The following PUM1 variants were observed in gnomAD, a reference collection of about 807,000 sequenced individuals.
The protein encoded by PUM1 is pumilio RNA binding family member 1.
In PUM1, 13 loss-of-function variants were observed where a neutral mutation model predicts 131.8. That is an observed-to-expected ratio of 0.10 (90% CI 0.06 to 0.16). The LOEUF is 0.16. PUM1 is among the 10% of genes least tolerant of loss of function. The pLI, the probability that PUM1 is intolerant of heterozygous loss-of-function variation, is 1.00. For missense variants in PUM1, 961 were observed against 1,512.4 expected, an observed-to-expected ratio of 0.64 and a Z score of 6.05; for synonymous variants, 509 against 556.5, an observed-to-expected ratio of 0.91 and a Z score of 1.20.
intron 2 of PUM1, among the ~76,000 whole-genome samples, chr1:31,052,756 T>C (rs1407466402): frequency 2.0e-5 from 3 of 151,576 alleles, no homozygotes; most frequent in Non-Finnish European, 4.4e-5. Flanking sequence ...TGGAGTGCAG[T>C]TGTGCGATCT....
chr1:30,939,990 G>C (rs1276608531), intron 20 of PUM1, among the ~76,000 whole-genome samples: 3 of 152,128 alleles, frequency 2.0e-5, no homozygotes, highest in African/African-American at 7.2e-5. Context: ...CCGAAGAAGA[G>C]AACCCAAGAG....
chr1:31,065,519 C>A, intron 1 of PUM1, 97 bp downstream of exon 1: 1 of 1,370,502 alleles, frequency 7.3e-7, no homozygotes, highest in South Asian at 1.4e-5. Flanking sequence ...AAGCCCTTCT[C>A]ACCCCCACAA....
chr1:30,972,024 G>A (rs1005299916), intron 10 of PUM1, among the ~76,000 whole-genome samples: 1 of 151,744 alleles, frequency 6.6e-6, no homozygotes, highest in Non-Finnish European at 1.5e-5. Flanking sequence ...GGAGGCCAAG[G>A]TGGGTGGAAC....
intron 2 of PUM1, among the ~76,000 whole-genome samples, chr1:31,044,671 A>C (rs1643910842): frequency 6.6e-6 from 1 of 152,140 alleles, no homozygotes; most frequent in African/African-American, 2.4e-5. Context: ...AAAACTAAAA[A>C]CTACTGAACT....
intron 14 of PUM1, among the ~76,000 whole-genome samples, chr1:30,956,824 T>C (rs1640184191): frequency 6.6e-6 from 1 of 152,162 alleles, no homozygotes; most frequent in African/African-American, 2.4e-5. Flanking sequence ...CAATGTTTAA[T>C]GACAAGACAA....
At chr1:30,969,185 T>C (rs558119876) in intron 10 of PUM1, among the ~76,000 whole-genome samples, 1 of 151,808 alleles carries the variant, frequency 6.6e-6, no homozygotes, top group South Asian at 2.1e-4. Flanking sequence ...GTGCCTATAA[T>C]CCCAGCTACG....
chr1:31,031,379 G>GA (rs1173141846), intron 2 of PUM1, among the ~76,000 whole-genome samples: 2 of 152,028 alleles, frequency 1.3e-5, no homozygotes, highest in South Asian at 4.1e-4. Context: ...GGAGGAGTAA[G>GA]AAAAAAAGTA....
intron 3 of PUM1, among the ~76,000 whole-genome samples, chr1:31,010,894 C>T (rs1056612162): frequency 1.3e-5 from 2 of 152,128 alleles, no homozygotes; most frequent in African/African-American, 2.4e-5. Flanking sequence ...TTAGGCAGGG[C>T]GTGGTGGCTT....
At chr1:30,999,606 C>CAAAAAAA (rs56936440) in intron 5 of PUM1, among the ~76,000 whole-genome samples, 8 of 53,980 alleles carry the variant, frequency 1.5e-4, no homozygotes, top group African/African-American at 4.8e-4. Context: ...GACTCTGTCT[C>CAAAAAAA]AAAAAAAAAA....
Position 30,992,384 on chromosome 1 carries a change from C to T in PUM1, c.1158+6G>A. 1.2e-6 allele frequency: 2 copies of T among 1,612,652 alleles called. No individual in the cohort carries two copies. Among genetic ancestry groups the T allele is most frequent in the East Asian group, 2.2e-5 (1 of 44,872 alleles). On this transcript the variant is annotated splice_donor_region_variant and intron_variant, in intron 7 of 21. Coordinates refer to ENST00000426105, the MANE Select transcript of PUM1 (RefSeq NM_001020658.2). ...GTAGAGAGGGTGACAGAGACACACACAGTACCTGTTGTTGAGAATTGTAGT... is the reference window on the plus strand; with the variant it reads ...GTAGAGAGGGTGACAGAGACACACATAGTACCTGTTGTTGAGAATTGTAGT...
intron 3 of PUM1, among the ~76,000 whole-genome samples, chr1:31,017,131 C>T (rs1039194594): frequency 6.6e-6 from 1 of 152,180 alleles, no homozygotes; most frequent in African/African-American, 2.4e-5. Flanking sequence ...ACTACTTGCA[C>T]ACACCCTAAA....
intron 17 of PUM1, among the ~76,000 whole-genome samples, chr1:30,946,970 C>G (rs775566120): frequency 1.3e-5 from 2 of 152,128 alleles, no homozygotes; most frequent in Non-Finnish European, 2.9e-5. Flanking sequence ...ATTATGATAA[C>G]TCTGTAAAGT....
intron 19 of PUM1, among the ~76,000 whole-genome samples, chr1:30,941,485 A>G (rs1247373010): frequency 6.6e-6 from 1 of 152,210 alleles, no homozygotes. Flanking sequence ...TAGAATATAC[A>G]TATTCATTTT....
chr1:30,966,372 T>A, intron 12 of PUM1, 94 bp from the exon 13 acceptor site: 1 of 1,246,682 alleles, frequency 8.0e-7, no homozygotes, highest in South Asian at 1.5e-5. Context: ...CTTTTAATGC[T>A]GCCTATCTTT....
intron 10 of PUM1, among the ~76,000 whole-genome samples, chr1:30,971,308 A>C (rs1313192120): frequency 6.6e-6 from 1 of 152,232 alleles, no homozygotes; most frequent in Non-Finnish European, 1.5e-5. Context: ...TTACCAAAAA[A>C]ATCATATTTT....
At chr1:31,046,455 T>A (rs960470364) in intron 2 of PUM1, among the ~76,000 whole-genome samples, 1 of 150,718 alleles carries the variant, frequency 6.6e-6, no homozygotes, top group African/African-American at 2.4e-5. Flanking sequence ...CGCATTCCTC[T>A]GGAGAAGTCT....
chr1:30,988,952 G>A (rs1217977736), intron 7 of PUM1, among the ~76,000 whole-genome samples: 1 of 152,096 alleles, frequency 6.6e-6, no homozygotes, highest in Non-Finnish European at 1.5e-5. Context: ...TTCCTAGAAG[G>A]ACACAACAGT....
At chr1:30,964,587 G>T (rs1640548314) in intron 14 of PUM1, 87 bp downstream of exon 14, 4 of 1,178,110 alleles carry the variant, frequency 3.4e-6, no homozygotes, top group Middle Eastern at 2.0e-4. Context: ...TAAAGGGACT[G>T]TCCTTTGCTT....
At chr1:31,012,740 T>G (rs1309902004) in intron 3 of PUM1, among the ~76,000 whole-genome samples, 1 of 152,038 alleles carries the variant, frequency 6.6e-6, no homozygotes, top group Non-Finnish European at 1.5e-5. Context: ...CACTTAACAC[T>G]TAACAATCAA....
Sources: gnomAD v4.1 joint callset for allele counts (sites outside exome capture counted in the v4.1 genomes callset) on GRCh38, gnomAD v4.1.1 for gene constraint, MANE v1.5 for transcripts, NCBI Gene and HGNC (gene_info 2026-07-23, HGNC 2026-07-21) for gene names.